The following CNTNAP2 variants were observed in gnomAD, a reference collection of about 807,000 sequenced individuals.
CNTNAP2 encodes the protein contactin associated protein 2, also known as contactin-associated protein-like 2.
In CNTNAP2, 98 loss-of-function variants were observed where a neutral mutation model predicts 155.2. The observed-to-expected ratio is 0.63, with a 90% CI of 0.54 to 0.75. The LOEUF (loss-of-function observed/expected upper bound fraction) is 0.75, where lower values mean the gene tolerates loss of function less well. Among genes scored for constraint, CNTNAP2 ranks in the 30% least tolerant of loss-of-function variants. The pLI is 0.00. For synonymous variants in CNTNAP2, 651 were observed against 631.2 expected (o/e 1.03, Z -0.47); for missense variants, 1,727 against 1,688.1 (o/e 1.02, Z -0.40).
intron 11 of CNTNAP2, among the ~76,000 whole-genome samples, chr7:147,536,725 T>G (rs1043186055): frequency 3.3e-5 from 5 of 152,206 alleles, no homozygotes; most frequent in African/African-American, 9.7e-5. Context: ...GACTTCCTAA[T>G]GTACCTCCCT....
At chr7:148,156,840 T>C (rs1219852631) in intron 17 of CNTNAP2, among the ~76,000 whole-genome samples, 1 of 152,164 alleles carries the variant, frequency 6.6e-6, no homozygotes, top group African/African-American at 2.4e-5. Context: ...TTGATTTCCT[T>C]CTTCCCTTTC....
intron 13 of CNTNAP2, among the ~76,000 whole-genome samples, chr7:147,838,656 G>A (rs1280430301): frequency 1.3e-5 from 2 of 152,162 alleles, no homozygotes; most frequent in Non-Finnish European, 2.9e-5. Context: ...TTCCCAACAA[G>A]TTCCTCATTC....
chr7:148,186,803 C>A (rs1795123057), intron 18 of CNTNAP2, among the ~76,000 whole-genome samples: 1 of 152,106 alleles, frequency 6.6e-6, no homozygotes, highest in African/African-American at 2.4e-5. Context: ...TTTCCTTTAC[C>A]AAAGTCTCAA....
chr7:147,206,379 A>G (rs994408884), intron 8 of CNTNAP2, among the ~76,000 whole-genome samples: 3 of 152,138 alleles, frequency 2.0e-5, no homozygotes, highest in African/African-American at 4.8e-5. Context: ...AGCCTGGGCA[A>G]CATTGTGAAA....
chr7:147,446,590 G>T (rs1471094326), intron 10 of CNTNAP2, among the ~76,000 whole-genome samples: 1 of 152,090 alleles, frequency 6.6e-6, no homozygotes, highest in East Asian at 1.9e-4. Flanking sequence ...CCTAACTGTT[G>T]TATCTTCCTT....
chr7:147,042,959 G>C (rs185770566), intron 3 of CNTNAP2, among the ~76,000 whole-genome samples: 2 of 152,066 alleles, frequency 1.3e-5, no homozygotes, highest in African/African-American at 2.4e-5. Context: ...GGGACATTTA[G>C]AATGCATATA....
intron 21 of CNTNAP2, among the ~76,000 whole-genome samples, chr7:148,365,300 A>G (rs1798716036): frequency 6.6e-6 from 1 of 152,112 alleles, no homozygotes; most frequent in African/African-American, 2.4e-5. Flanking sequence ...TTGCTCAACT[A>G]GTTTTTGAGC....
chr7:147,199,462 G>GTA (rs1802878025), intron 8 of CNTNAP2, among the ~76,000 whole-genome samples: 1 of 152,132 alleles, frequency 6.6e-6, no homozygotes, highest in Non-Finnish European at 1.5e-5. Context: ...AGCTAAAACA[G>GTA]TATACTACGT....
chr7:147,110,302 GA>G (rs1800849310), intron 5 of CNTNAP2, among the ~76,000 whole-genome samples: 2 of 151,962 alleles, frequency 1.3e-5, no homozygotes, highest in Admixed American at 6.6e-5. Flanking sequence ...CTAAAGTGAA[GA>G]TCTGCAAGAT....
At chr7:146,358,056 A>G (rs543821783) in intron 1 of CNTNAP2, among the ~76,000 whole-genome samples, 19 of 145,738 alleles carry the variant, frequency 1.3e-4, no homozygotes, top group Non-Finnish European at 2.1e-4. Context: ...ATTTTTTGAG[A>G]TGGAGCCTCG....
At chr7:147,488,807 C>T (rs1054852578) in intron 11 of CNTNAP2, among the ~76,000 whole-genome samples, 1 of 152,060 alleles carries the variant, frequency 6.6e-6, no homozygotes, top group Non-Finnish European at 1.5e-5. Context: ...CTTACTTGTA[C>T]CCTAGGCCAT....
At chr7:146,566,650 T>G (rs1229505011) in intron 1 of CNTNAP2, among the ~76,000 whole-genome samples, 12 of 151,786 alleles carry the variant, frequency 7.9e-5, no homozygotes, top group Non-Finnish European at 1.8e-4. Flanking sequence ...TGGGCCGAGA[T>G]CGCACCACTG....
At chr7:146,452,507 T>C (rs185517822) in intron 1 of CNTNAP2, among the ~76,000 whole-genome samples, 461 of 152,360 alleles carry the variant, frequency 3.0e-3, no homozygotes, top group Middle Eastern at 0.01. Context: ...AGTGTTTGCC[T>C]TATATCTCTA....
At chr7:148,288,447 G>A (rs113832494) in intron 21 of CNTNAP2, among the ~76,000 whole-genome samples, 13,283 of 151,944 alleles carry the variant, frequency 0.087, 730 homozygotes, top group African/African-American at 0.15. Context: ...GGGACCCACC[G>A]CGATGACCTT....
chr7:146,446,647 C>T (rs1428359900), intron 1 of CNTNAP2, among the ~76,000 whole-genome samples: 1 of 152,062 alleles, frequency 6.6e-6, no homozygotes, highest in African/African-American at 2.4e-5. Context: ...GTGAAGGTAG[C>T]TCCCAGGTGG....
At chr7:146,783,449 A>G (rs772101380) in intron 2 of CNTNAP2, among the ~76,000 whole-genome samples, 11 of 152,206 alleles carry the variant, frequency 7.2e-5, no homozygotes, top group Non-Finnish European at 1.5e-4. Flanking sequence ...AAGATAAACC[A>G]AAATTTTGGC....
In CNTNAP2 at chr7:148,365,944, A is replaced by G. The variant is rs190140219; in HGVS notation, c.3476-17705A>G. 3.7e-3 allele frequency among the ~76,000 whole-genome samples: 13 copies of G among 3,514 alleles called. 6 individuals are homozygous for G. The highest frequency in any genetic ancestry group is 5.4e-3 in the African/African-American group (13 of 2,408). The allele number at this position is 3,514 out of a possible 152,430, so 2.3% of individuals were successfully genotyped here. On this transcript the variant is annotated intron_variant, in intron 21 of 23. Transcript: ENST00000361727. ...TGTATACATGCGTGTATGCATGTAT[A>G]CATGCGTGTATGCATGTATACATGT...
chr7:146,399,641 A>C (rs1795685794), intron 1 of CNTNAP2, among the ~76,000 whole-genome samples: 1 of 152,152 alleles, frequency 6.6e-6, no homozygotes, highest in Admixed American at 6.6e-5. Flanking sequence ...GGGGGTGCAG[A>C]TATAGCTTCA....
rs114272111 is a variant in CNTNAP2 at position 146,402,536 on chromosome 7, A to G, written c.97+285563A>G. ...ACTTATGTTACAAAAGAAATTATTTACAGTAACACTCTAATTATATCTACC... is the reference window on the plus strand; with the variant it reads ...ACTTATGTTACAAAAGAAATTATTTGCAGTAACACTCTAATTATATCTACC... On this transcript the variant is annotated intron_variant, in intron 1 of 23. Coordinates refer to ENST00000361727, the MANE Select transcript of CNTNAP2 (RefSeq NM_014141.6). Among the ~76,000 whole-genome samples, 688 of 152,312 alleles carry G rather than the reference A, an allele frequency of 4.5e-3. 6 individuals carry two copies. The highest frequency in any genetic ancestry group is 0.016 in the African/African-American group (651 of 41,576).
Sources: allele counts gnomAD v4.1 joint callset (sites outside exome capture counted in the v4.1 genomes callset), GRCh38; gene constraint gnomAD v4.1.1; transcripts MANE v1.5; gene names NCBI Gene and HGNC (gene_info 2026-07-23, HGNC 2026-07-21).